The following ANGPT1 variants were observed in gnomAD, a reference collection of about 807,000 sequenced individuals.
The protein encoded by ANGPT1 is angiopoietin 1, also known as angiopoietin-1.
In ANGPT1, 17 loss-of-function variants were observed where a neutral mutation model predicts 62.2. That is an observed-to-expected ratio of 0.27 (90% CI 0.19 to 0.41). The LOEUF is 0.41. Among genes scored for constraint, ANGPT1 ranks in the 10% least tolerant of loss-of-function variants. The probability of loss-of-function intolerance (pLI) is 1.00; values close to 1 mark genes in which losing one functional copy is unlikely to be tolerated. For synonymous variants in ANGPT1, 199 were observed against 198.9 expected (o/e 1.00, Z 0.00); for missense variants, 478 against 594.9 (o/e 0.80, Z 2.04).
At chr8:107,478,270 C>T (rs921155830) in intron 1 of ANGPT1, among the ~76,000 whole-genome samples, 7 of 151,530 alleles carry the variant, frequency 4.6e-5, no homozygotes, top group African/African-American at 1.2e-4. Flanking sequence ...AAAAATCTGC[C>T]GGGCGTGGTG....
intron 1 of ANGPT1, among the ~76,000 whole-genome samples, chr8:107,478,459 G>T (rs1489611274): frequency 6.6e-6 from 1 of 152,068 alleles, no homozygotes; most frequent in African/African-American, 2.4e-5. Flanking sequence ...TGAGGCAGGA[G>T]AATAGATTCA....
At chr8:107,374,499 G>C (rs953105510) in intron 1 of ANGPT1, among the ~76,000 whole-genome samples, 2 of 152,322 alleles carry the variant, frequency 1.3e-5, no homozygotes, top group East Asian at 3.9e-4. Context: ...AGCCAAGGGT[G>C]TAAGTGGGGG....
At chr8:107,486,038 A>T (rs1812805017) in intron 1 of ANGPT1, among the ~76,000 whole-genome samples, 1 of 152,218 alleles carries the variant, frequency 6.6e-6, no homozygotes, top group Non-Finnish European at 1.5e-5. Context: ...TTCAATCAGC[A>T]ACAGAGCCTA....
chr8:107,280,745 C>T (rs141699219), intron 7 of ANGPT1, among the ~76,000 whole-genome samples: 7 of 152,080 alleles, frequency 4.6e-5, no homozygotes, highest in African/African-American at 1.2e-4. Context: ...GGCCAGGTCA[C>T]GAAGAGTCTT....
chr8:107,340,905 T>A (rs1815683361), intron 2 of ANGPT1, among the ~76,000 whole-genome samples: 1 of 152,182 alleles, frequency 6.6e-6, no homozygotes, highest in Non-Finnish European at 1.5e-5. Flanking sequence ...TAAAATATGA[T>A]GCCTTGGCAA....
intron 7 of ANGPT1, among the ~76,000 whole-genome samples, chr8:107,282,566 A>G (rs1177170784): frequency 1.8e-5 from 2 of 111,774 alleles, no homozygotes; most frequent in Non-Finnish European, 3.5e-5. Context: ...ATATATATAT[A>G]TATATATATA....
chr8:107,290,141 T>C lies in ANGPT1; in HGVS notation c.1038+3795A>G, dbSNP rs140815148. Among the ~76,000 whole-genome samples, 587 of 152,252 alleles carry C rather than the reference T, an allele frequency of 3.9e-3. 10 individuals are homozygous for C. Among genetic ancestry groups the C allele is most frequent in the African/African-American group, 0.014 (568 of 41,544 alleles). ...CCGAGAATCCAAAAAGTGGTAAACCTTTCATATTGACAGAGGTTTAAAAAT... is the reference window on the plus strand; with the variant it reads ...CCGAGAATCCAAAAAGTGGTAAACCCTTCATATTGACAGAGGTTTAAAAAT... On this transcript the variant is annotated intron_variant, in intron 6 of 8. Coordinates refer to ENST00000517746, the MANE Select transcript of ANGPT1 (RefSeq NM_001146.5).
chr8:107,269,189 C>A (rs886596890), intron 7 of ANGPT1, among the ~76,000 whole-genome samples: 1 of 152,074 alleles, frequency 6.6e-6, no homozygotes, highest in East Asian at 1.9e-4. Flanking sequence ...TCTTTCTTAG[C>A]AGCTCTTTAC....
At chr8:107,337,023 A>T (rs1815584398) in intron 2 of ANGPT1, among the ~76,000 whole-genome samples, 1 of 152,198 alleles carries the variant, frequency 6.6e-6, no homozygotes, top group Admixed American at 6.5e-5. Context: ...AAGACTCATT[A>T]TCACACATTT....
rs145108451 is a variant in ANGPT1 at position 107,340,626 on chromosome 8, G to A, written c.454-4355C>T. 5.6e-3 allele frequency among the ~76,000 whole-genome samples: 843 copies of A among 151,802 alleles called. 4 individuals are homozygous for A. Among genetic ancestry groups the A allele is most frequent in the African/African-American group, 0.019 (796 of 41,388 alleles). On this transcript the variant is annotated intron_variant, in intron 2 of 8. Coordinates refer to ENST00000517746, the MANE Select transcript of ANGPT1 (RefSeq NM_001146.5). ...ATGACCACAGTCACTGCAGCCTCTT[G>A]GGCTCCGGTGAGGTGTGCCCAGCAA... is the stretch of plus-strand genomic sequence containing the variant.
chr8:107,300,546 A>G (rs1056958575), intron 5 of ANGPT1, among the ~76,000 whole-genome samples: 2 of 151,824 alleles, frequency 1.3e-5, no homozygotes, highest in African/African-American at 2.4e-5. Flanking sequence ...TAGTATTTCA[A>G]TAAAACTAAA....
chr8:107,382,144 T>C (rs1339057948), intron 1 of ANGPT1, among the ~76,000 whole-genome samples: 2 of 152,164 alleles, frequency 1.3e-5, no homozygotes, highest in African/African-American at 4.8e-5. Context: ...CAATTTAATA[T>C]TTCAGATAGA....
intron 1 of ANGPT1, among the ~76,000 whole-genome samples, chr8:107,477,584 G>A (rs982725781): frequency 6.6e-6 from 1 of 152,132 alleles, no homozygotes; most frequent in Non-Finnish European, 1.5e-5. Flanking sequence ...TTAAGATCTT[G>A]TGAAGTAATT....
chr8:107,277,432 T>C (rs887624745), intron 7 of ANGPT1, among the ~76,000 whole-genome samples: 1 of 152,182 alleles, frequency 6.6e-6, no homozygotes, highest in Non-Finnish European at 1.5e-5. Flanking sequence ...TTTATAATAA[T>C]ATAACACAAT....
At chr8:107,362,136 ATACT>A (rs1213274962) in intron 1 of ANGPT1, among the ~76,000 whole-genome samples, 1 of 152,226 alleles carries the variant, frequency 6.6e-6, no homozygotes, top group African/African-American at 2.4e-5. Flanking sequence ...ACATTTTCAC[ATACT>A]TTCTTATATA....
intron 1 of ANGPT1, among the ~76,000 whole-genome samples, chr8:107,481,096 C>T (rs1041939730): frequency 5.9e-5 from 9 of 152,300 alleles, no homozygotes; most frequent in African/African-American, 2.2e-4. Flanking sequence ...TCAGCAGAGT[C>T]CTTCTTCACA....
At chr8:107,338,136 C>T (rs775333104) in intron 2 of ANGPT1, among the ~76,000 whole-genome samples, 1 of 151,892 alleles carries the variant, frequency 6.6e-6, no homozygotes, top group Non-Finnish European at 1.5e-5. Flanking sequence ...CACCAATAGA[C>T]CCTGGGCTGG....
Position 107,308,293 on chromosome 8 carries a change from T to C in ANGPT1, c.809-4926A>G, listed in dbSNP as rs1051581356. ...GTGGCTTAAGCAAAAAGATAATTTATTGGATCATGTAACTAAAGAATCCAA... is the reference window on the plus strand; with the variant it reads ...GTGGCTTAAGCAAAAAGATAATTTACTGGATCATGTAACTAAAGAATCCAA... On this transcript the variant is annotated intron_variant, in intron 4 of 8. Coordinates refer to ENST00000517746, the MANE Select transcript of ANGPT1 (RefSeq NM_001146.5). 5.3e-5 allele frequency among the ~76,000 whole-genome samples: 8 copies of C among 152,188 alleles called. No individual in the cohort carries two copies. The South Asian group carries it at 1.7e-3, about 32-fold the overall frequency.
At chr8:107,351,950 G>GT (rs1316837690) in intron 1 of ANGPT1, among the ~76,000 whole-genome samples, 2 of 152,122 alleles carry the variant, frequency 1.3e-5, no homozygotes, top group Non-Finnish European at 2.9e-5. Context: ...TCCAGGTACT[G>GT]TAAGTATTAT....
Sources: gnomAD v4.1 joint callset for allele counts (sites outside exome capture counted in the v4.1 genomes callset) on GRCh38, gnomAD v4.1.1 for gene constraint, MANE v1.5 for transcripts, NCBI Gene and HGNC (gene_info 2026-07-23, HGNC 2026-07-21) for gene names.